NUP98: variants seen among roughly 807,000 people sequenced by gnomAD.
NUP98 encodes nucleoporin 98 and 96 precursor, also known as nuclear pore complex protein Nup98-Nup96.
Under a neutral mutation model 191.9 loss-of-function variants are expected in NUP98, and 26 were observed. The ratio of observed to expected loss-of-function variants is 0.14; its 90% CI spans 0.10 to 0.19. The LOEUF (loss-of-function observed/expected upper bound fraction) is 0.19, where lower values mean the gene tolerates loss of function less well. Among genes scored for constraint, NUP98 ranks in the 10% least tolerant of loss-of-function variants. NUP98 has a pLI of 1.00. For synonymous variants in NUP98, 808 were observed against 778.4 expected, an observed-to-expected ratio of 1.04 and a Z score of -0.63; for missense variants, 1,941 against 2,178.8, an observed-to-expected ratio of 0.89 and a Z score of 2.17.
At chr11:3,734,962 T>C (rs545825176) in intron 13 of NUP98, among the ~76,000 whole-genome samples, 97 of 152,334 alleles carry the variant, frequency 6.4e-4, no homozygotes, top group Non-Finnish European at 1.1e-3. Flanking sequence ...TTCAGGACTG[T>C]TGAAAACCCT....
At chr11:3,714,018 G>A in intron 18 of NUP98, 23 bp from the exon 19 acceptor site, 2 of 1,609,982 alleles carry the variant, frequency 1.2e-6, no homozygotes, top group Non-Finnish European at 1.7e-6. Context: ...ACCAATTAAA[G>A]TAACCAATTA....
At chr11:3,715,516 T>C (rs1157546411) in intron 18 of NUP98, among the ~76,000 whole-genome samples, 1 of 152,150 alleles carries the variant, frequency 6.6e-6, no homozygotes, top group Non-Finnish European at 1.5e-5. Context: ...ATTAGTGATG[T>C]TGGGCATCTT....
In NUP98 at chr11:3,700,734, T is replaced by C. The variant is rs2078652552; in HGVS notation, c.3618A>G (p.Leu1206=). Residue 1206 remains leucine (L), a synonymous_variant, in exon 24 of 33, where the codon TTA becomes TTG. Transcript: ENST00000324932. Reference sequence around the variant, plus strand: ...CATCCACATGGACAGTGCTGTGTTTTAATTTGAGCTCCAGAGGTGTCTGAT... The same window carrying C: ...CATCCACATGGACAGTGCTGTGTTTCAATTTGAGCTCCAGAGGTGTCTGAT... The part of the protein sequence containing the change: ...KLYQTPLELK[L]KHSTVHVDEL... 1 of 1,614,074 alleles carries C rather than the reference T, an allele frequency of 6.2e-7. No individual in the cohort carries two copies. The highest frequency in any genetic ancestry group is 1.3e-5 in the African/African-American group (1 of 74,948).
intron 11 of NUP98, among the ~76,000 whole-genome samples, chr11:3,747,574 G>A (rs962155066): frequency 3.9e-5 from 6 of 152,030 alleles, no homozygotes; most frequent in Admixed American, 1.3e-4. Flanking sequence ...ACATGCCAAG[G>A]GTCAGTATAA....
intron 15 of NUP98, among the ~76,000 whole-genome samples, chr11:3,724,436 C>CAA (rs71041381): frequency 9.1e-6 from 1 of 109,532 alleles, no homozygotes; most frequent in African/African-American, 3.7e-5. Flanking sequence ...AACTCCATCT[C>CAA]AAAAAAAAAA....
At chr11:3,700,484 C>T (rs1386781901) in intron 24 of NUP98, 126 bp downstream of exon 24, 1 of 583,428 alleles carries the variant, frequency 1.7e-6, no homozygotes, top group African/African-American at 1.9e-5. Flanking sequence ...TAAACTCAAC[C>T]TCAGAAAATG....
chr11:3,678,257 C>A (rs576183342), intron 31 of NUP98, among the ~76,000 whole-genome samples: 1 of 151,808 alleles, frequency 6.6e-6, no homozygotes, highest in East Asian at 1.9e-4. Flanking sequence ...CTACTGTCTA[C>A]CCCACCCACC....
chr11:3,707,162 T>C (rs571945812), intron 20 of NUP98, among the ~76,000 whole-genome samples: 6 of 152,210 alleles, frequency 3.9e-5, no homozygotes, highest in Admixed American at 3.9e-4. Context: ...TCTCTACTTG[T>C]GCAGTACCAC....
chr11:3,756,723 G>A (rs2080970572), intron 10 of NUP98, among the ~76,000 whole-genome samples: 1 of 151,954 alleles, frequency 6.6e-6, no homozygotes. Flanking sequence ...CACTCGGCTT[G>A]TTTTTGTTTT....
chr11:3,676,735 C>T, intron 31 of NUP98, 115 bp from the exon 32 acceptor site: 1 of 870,442 alleles, frequency 1.1e-6, no homozygotes, highest in Non-Finnish European at 1.9e-6. Flanking sequence ...GGGGAAAATC[C>T]AAGATGATGA....
intron 14 of NUP98, among the ~76,000 whole-genome samples, chr11:3,727,185 G>A (rs758368746): frequency 2.6e-5 from 4 of 152,092 alleles, no homozygotes; most frequent in Admixed American, 1.3e-4. Flanking sequence ...AGAAAAAAAC[G>A]TTAGCTGAAC....
At chr11:3,792,339 G>A (rs756421330) in intron 1 of NUP98, among the ~76,000 whole-genome samples, 2 of 152,160 alleles carry the variant, frequency 1.3e-5, no homozygotes, top group Non-Finnish European at 2.9e-5. Context: ...CCAGGCCTAT[G>A]GGGCTCATGC....
chr11:3,791,975 C>T (rs111269221), intron 1 of NUP98, among the ~76,000 whole-genome samples: 11 of 151,098 alleles, frequency 7.3e-5, no homozygotes, highest in Non-Finnish European at 1.2e-4. Flanking sequence ...GTCAGGAGAT[C>T]GAGACCTTCC....
chr11:3,782,876 G>A (rs1589964902), intron 1 of NUP98, among the ~76,000 whole-genome samples: 1 of 152,040 alleles, frequency 6.6e-6, no homozygotes, highest in Non-Finnish European at 1.5e-5. Flanking sequence ...ATTTTCCATA[G>A]TTTGCATTAT....
At chr11:3,705,566 G>C (rs756106296) in intron 21 of NUP98, among the ~76,000 whole-genome samples, 1 of 152,134 alleles carries the variant, frequency 6.6e-6, no homozygotes, top group Admixed American at 6.5e-5. Flanking sequence ...TATCTATAGC[G>C]TCTCACCAGA....
chr11:3,779,333 T>TAAGA, intron 2 of NUP98, 76 bp from the exon 3 acceptor site: 1 of 1,190,606 alleles, frequency 8.4e-7, no homozygotes, highest in Non-Finnish European at 1.2e-6. Context: ...AAAGGCATTT[T>TAAGA]AATATTTCTT....
At chr11:3,788,822 C>A (rs2082234440) in intron 1 of NUP98, among the ~76,000 whole-genome samples, 1 of 151,944 alleles carries the variant, frequency 6.6e-6, no homozygotes, top group Non-Finnish European at 1.5e-5. Flanking sequence ...TGACGCATGC[C>A]TGTCATCCCA....
chr11:3,788,488 G>A (rs1564933624), intron 1 of NUP98, among the ~76,000 whole-genome samples: 1 of 152,130 alleles, frequency 6.6e-6, no homozygotes, highest in Non-Finnish European at 1.5e-5. Flanking sequence ...CTACTCAGGA[G>A]GCTGAGGCAG....
At chr11:3,766,632 T>C (rs1043574973) in intron 8 of NUP98, among the ~76,000 whole-genome samples, 2 of 141,106 alleles carry the variant, frequency 1.4e-5, no homozygotes, top group African/African-American at 5.4e-5. Flanking sequence ...GAGGCTGCAG[T>C]GAGCTGAGAT....
Sources: gnomAD v4.1 joint callset for allele counts (sites outside exome capture counted in the v4.1 genomes callset) on GRCh38, gnomAD v4.1.1 for gene constraint, MANE v1.5 for transcripts, NCBI Gene and HGNC (gene_info 2026-07-23, HGNC 2026-07-21) for gene names.